CDC6: variants seen among roughly 807,000 people sequenced by gnomAD.
The protein encoded by CDC6 is DNA replication factor CDC6.
Under a neutral mutation model 60.2 loss-of-function variants are expected in CDC6, and 46 were observed. That is an observed-to-expected ratio of 0.76 (90% confidence interval 0.60 to 0.98). The LOEUF is 0.98. Ranked by LOEUF, CDC6 falls within the 50% of genes least tolerant of loss-of-function variation. The pLI is 0.00. For synonymous variants in CDC6, 210 were observed against 233.2 expected, an observed-to-expected ratio of 0.90 and a Z score of 0.90; for missense variants, 596 against 652.9, an observed-to-expected ratio of 0.91 and a Z score of 0.95.
At position 40,291,672 on chromosome 17, in the gene CDC6, C is replaced by T; in HGVS notation, c.660+4C>T. The T allele has an allele frequency of 3.7e-6, 6 of 1,611,284 alleles. No homozygotes were observed. Among genetic ancestry groups the T allele is most frequent in the Non-Finnish European group, 5.1e-6 (6 of 1,177,418 alleles). On this transcript the variant is annotated splice_donor_region_variant and intron_variant, in intron 4 of 11. Transcript: ENST00000209728. ...CCGGATTCTGCAAGACCTCAAGGTA[C>T]ATTGAGAGTCTGAATTATGATACTC...
In CDC6 at chr17:40,293,704, T is replaced by A. The variant is rs995826476; in HGVS notation, c.836+73T>A. The stretch of plus-strand genomic sequence containing the variant: ...TGTTGCCCATAAAAAGTACATTTTG[T>A]ATATTTTCTCTCTGAAGGATAGTTA... On this transcript the variant is annotated intron_variant, in intron 5 of 11. Coordinates refer to ENST00000209728, the MANE Select transcript of CDC6 (RefSeq NM_001254.4). The A allele has an allele frequency of 4.9e-6, 6 of 1,227,896 alleles. No individual in the cohort carries two copies. The Admixed American group carries it at 1.0e-4, about 21-fold the overall frequency. The allele number at this position is 1,227,896 out of a possible 1,614,324, so 76.1% of individuals were successfully genotyped here.
At chr17:40,290,595 C>T (rs939195714) in intron 2 of CDC6, among the ~76,000 whole-genome samples, 3 of 152,192 alleles carry the variant, frequency 2.0e-5, no homozygotes, top group Non-Finnish European at 2.9e-5. Context: ...CATTCCAAGA[C>T]CCCCAGTGGA....
chr17:40,304,398 A>G lies in CDC6; in HGVS notation c.*2397A>G, dbSNP rs1006812584. ...TTTTCTCCCTGAAGCTGAGAGCTTC[A>G]GGAAGGTGGTAGGAGTTTTAGTGGG... On this transcript the variant is annotated 3_prime_UTR_variant, in exon 12 of 12. Coordinates refer to ENST00000209728, the MANE Select transcript of CDC6 (RefSeq NM_001254.4). 6 of 152,234 alleles carry G rather than the reference A, an allele frequency of 3.9e-5. No homozygotes were observed. The highest frequency in any genetic ancestry group is 1.4e-4 in the African/African-American group (6 of 41,452). 9.4% of individuals were successfully genotyped at this position (152,234 alleles called of 1,614,324 possible).
intron 2 of CDC6, 132 bp downstream of exon 2, chr17:40,289,730 A>G (rs2032723119): frequency 3.1e-6 from 2 of 638,138 alleles, no homozygotes; most frequent in East Asian, 6.2e-5. Context: ...TTTTTTTGAG[A>G]CAGAGTCTCG....
chr17:40,291,361 G>A (rs992330112), intron 3 of CDC6, 22 bp downstream of exon 3: 2 of 1,613,768 alleles, frequency 1.2e-6, no homozygotes, highest in Admixed American at 1.7e-5. Flanking sequence ...CATGGCAACT[G>A]TTAGTGCAGC....
chr17:40,291,767 A>G, intron 4 of CDC6, 99 bp downstream of exon 4: 1 of 1,305,082 alleles, frequency 7.7e-7, no homozygotes, highest in Non-Finnish European at 1.1e-6. Flanking sequence ...GTTTTTTGAG[A>G]CGGAGTCTCG....
chr17:40,294,253 A>G, intron 6 of CDC6, 111 bp from the exon 7 acceptor site: 1 of 996,046 alleles, frequency 1.0e-6, no homozygotes, highest in Non-Finnish European at 1.6e-6. Context: ...GTGGCAAGCA[A>G]CAATTAGAAT....
chr17:40,297,641 G>A (rs2032876792), intron 9 of CDC6, among the ~76,000 whole-genome samples: 1 of 152,206 alleles, frequency 6.6e-6, no homozygotes, highest in Admixed American at 6.5e-5. Context: ...CATGGTGTGT[G>A]CCTGTAGTCC....
intron 8 of CDC6, among the ~76,000 whole-genome samples, chr17:40,296,084 C>A (rs1210832953): frequency 6.6e-6 from 1 of 152,114 alleles, no homozygotes; most frequent in African/African-American, 2.4e-5. Context: ...TGGGCAAGTA[C>A]TTTGGAGAGA....
At chr17:40,300,161 G>C (rs1045431839) in intron 9 of CDC6, among the ~76,000 whole-genome samples, 1 of 151,884 alleles carries the variant, frequency 6.6e-6, no homozygotes, top group Non-Finnish European at 1.5e-5. Context: ...ATGGAGTTTC[G>C]CCGTGTTGGG....
At chr17:40,295,215 G>T in intron 7 of CDC6, 141 bp from the exon 8 acceptor site, 1 of 693,886 alleles carries the variant, frequency 1.4e-6, no homozygotes, top group South Asian at 1.6e-5. Flanking sequence ...CATTATTTAT[G>T]AGAAGAAAAG....
chr17:40,298,381 A>G (rs1437075383), intron 9 of CDC6, among the ~76,000 whole-genome samples: 1 of 149,578 alleles, frequency 6.7e-6, no homozygotes. Flanking sequence ...TTTGTGCGGG[A>G]TTGGCTTTTT....
chr17:40,296,421 T>A (rs1170637818), intron 8 of CDC6, among the ~76,000 whole-genome samples: 1 of 152,194 alleles, frequency 6.6e-6, no homozygotes. Flanking sequence ...GAGGAAACCA[T>A]TGAAGTTTCT....
chr17:40,289,212 C>G (rs2032712075), intron 1 of CDC6, 196 bp from the exon 2 acceptor site: 1 of 550,568 alleles, frequency 1.8e-6, no homozygotes, highest in Non-Finnish European at 3.3e-6. Context: ...CAGCGCCCTT[C>G]CACGTAGTAG....
chr17:40,291,409 C>G lies in CDC6; in HGVS notation c.461-60C>G. On this transcript the variant is annotated intron_variant, in intron 3 of 11. Coordinates refer to ENST00000209728, the MANE Select transcript of CDC6 (RefSeq NM_001254.4). ...GGCTGATGACTCCAAATGAAACCACCCACTGGGTCTTCTCATTCACCTTCT... is the reference window on the plus strand; with the variant it reads ...GGCTGATGACTCCAAATGAAACCACGCACTGGGTCTTCTCATTCACCTTCT... The G allele has an allele frequency of 7.5e-6, 12 of 1,610,484 alleles. No homozygotes were observed. In the South Asian group the frequency reaches 1.2e-4, roughly 16 times the overall value.
At chr17:40,297,948 C>T (rs1014036151) in intron 9 of CDC6, among the ~76,000 whole-genome samples, 1 of 152,128 alleles carries the variant, frequency 6.6e-6, no homozygotes, top group African/African-American at 2.4e-5. Flanking sequence ...TGTAAAATGG[C>T]CATGAACTAC....
rs976216670 is a variant in CDC6, at chr17:40,303,190, C to G, written c.*1189C>G. The G allele has an allele frequency of 3.3e-5, 5 of 152,126 alleles. No homozygotes were observed. Among genetic ancestry groups the G allele is most frequent in the African/African-American group, 1.2e-4 (5 of 41,402 alleles). 9.4% of individuals were successfully genotyped at this position (152,126 alleles called of 1,614,324 possible). On this transcript the variant is annotated 3_prime_UTR_variant, in exon 12 of 12. Coordinates refer to ENST00000209728, the MANE Select transcript of CDC6 (RefSeq NM_001254.4). ...TTTGTGACTGAGACACCAGAGGGCA[C>G]CCTTATAACATTGACTACTTTGAAA... is the stretch of plus-strand genomic sequence containing the variant.
chr17:40,289,521 T>C lies in CDC6; in HGVS notation c.101T>C (p.Leu34Pro), dbSNP rs777176930. The change falls in exon 2 of 12, where the codon CTA (leucine) becomes CCA (proline). Residue 34 changes from leucine to proline, a missense_variant. Physicochemically the swap from Leu to Pro is moderately conservative, Grantham distance 98. Transcript: ENST00000209728. Reference sequence around the variant, plus strand: ...GCTAAAAACTCCAGTGATGCCAAACTAGAACCAACAAATGTCCAAACCGTA... The same window carrying C: ...GCTAAAAACTCCAGTGATGCCAAACCAGAACCAACAAATGTCCAAACCGTA... ...NKAKNSSDAK[L>P]EPTNVQTVTC... The C allele has an allele frequency of 2.5e-6, 4 of 1,614,034 alleles. No individual in the cohort carries two copies. The East Asian group carries it at 8.9e-5, about 36-fold the overall frequency.
chr17:40,302,161 A>G lies in CDC6; in HGVS notation c.*160A>G, dbSNP rs536657958. 9 of 657,036 alleles carry G rather than the reference A, an allele frequency of 1.4e-5. No individual in the cohort carries two copies. Among genetic ancestry groups the G allele is most frequent in the Admixed American group, 7.6e-5 (3 of 39,592 alleles). 40.7% of individuals were successfully genotyped at this position (657,036 alleles called of 1,614,324 possible). ...ATAGATTCTTTAATATTAGCACAGA[A>G]TAATATCTTTGGGTCTTACTATTTT... is the stretch of plus-strand genomic sequence containing the variant. On this transcript the variant is annotated 3_prime_UTR_variant, in exon 12 of 12. Transcript: ENST00000209728.
Sources: allele counts gnomAD v4.1 joint callset (sites outside exome capture counted in the v4.1 genomes callset), GRCh38; gene constraint gnomAD v4.1.1; transcripts MANE v1.5; gene names NCBI Gene and HGNC (gene_info 2026-07-23, HGNC 2026-07-21).